Variants in CHSY3 observed in about 807,000 individuals in gnomAD.
CHSY3 encodes the protein N-acetylgalactosaminyl-proteoglycan 3-beta-glucuronosyltransferase 3.
A neutral mutation model predicts 67.2 loss-of-function variants in CHSY3; 35 were observed. The ratio of observed to expected loss-of-function variants is 0.52; its 90% CI spans 0.40 to 0.69. CHSY3 has a LOEUF of 0.69. Ranked by LOEUF, CHSY3 falls within the 30% of genes least tolerant of loss-of-function variation. CHSY3 has a pLI of 0.00. For synonymous variants in CHSY3, 474 were observed against 434.7 expected, an observed-to-expected ratio of 1.09 and a Z score of -1.12; for missense variants, 1,069 against 1,138.5, an observed-to-expected ratio of 0.94 and a Z score of 0.88.
intron 2 of CHSY3, among the ~76,000 whole-genome samples, chr5:130,180,889 T>A (rs1470794875): frequency 1.3e-5 from 2 of 152,194 alleles, no homozygotes; most frequent in Non-Finnish European, 2.9e-5. Context: ...TTTATATAGC[T>A]ATGATCATTT....
intron 2 of CHSY3, among the ~76,000 whole-genome samples, chr5:130,164,750 C>T (rs377038138): frequency 3.3e-5 from 5 of 152,070 alleles, no homozygotes; most frequent in South Asian, 2.1e-4. Context: ...AGAAAATTCC[C>T]GAGTTTGTTA....
intron 2 of CHSY3, among the ~76,000 whole-genome samples, chr5:130,093,815 G>C (rs747207710): frequency 2.6e-5 from 4 of 152,074 alleles, no homozygotes; most frequent in African/African-American, 4.8e-5. Flanking sequence ...CAGGAAGCTT[G>C]CTTTGAGAAA....
At chr5:129,962,594 C>A (rs1762363172) in intron 2 of CHSY3, among the ~76,000 whole-genome samples, 1 of 151,942 alleles carries the variant, frequency 6.6e-6, no homozygotes, top group African/African-American at 2.4e-5. Context: ...TTTCTGTAGC[C>A]CATGAGATCC....
chr5:130,016,510 C>T (rs1230269069), intron 2 of CHSY3, among the ~76,000 whole-genome samples: 2 of 137,948 alleles, frequency 1.4e-5, no homozygotes, highest in Non-Finnish European at 3.2e-5. Flanking sequence ...TTCCAGGGTT[C>T]AAGTGATTCT....
intron 2 of CHSY3, among the ~76,000 whole-genome samples, chr5:130,019,290 C>T (rs1359259510): frequency 6.6e-6 from 1 of 151,832 alleles, no homozygotes; most frequent in African/African-American, 2.4e-5. Flanking sequence ...AACTAATTTT[C>T]CATTCTCTTT....
Position 129,908,335 on chromosome 5 carries a change from G to A in CHSY3, c.1061G>A (p.Gly354Glu), listed in dbSNP as rs1227807356. ...EVGRCVRRFG[G>E]TQCVWSYEMQ... ...GGAAGATGCGTTCGCCGTTTTGGTG[G>A]GACTCAGTGTGTCTGGTCTTACGAG... is the stretch of plus-strand genomic sequence containing the variant. Residue 354 changes from glycine (G) to glutamate (E), a missense_variant, in exon 2 of 3, where the codon GGG becomes GAG. Transcript: ENST00000305031. 6.2e-7 allele frequency: 1 copy of A among 1,613,868 alleles called. No homozygotes were observed. Among genetic ancestry groups the A allele is most frequent in the Non-Finnish European group, 8.5e-7 (1 of 1,179,880 alleles).
At chr5:129,976,778 G>T (rs1251507724) in intron 2 of CHSY3, among the ~76,000 whole-genome samples, 1 of 151,942 alleles carries the variant, frequency 6.6e-6, no homozygotes, top group South Asian at 2.1e-4. Flanking sequence ...GTTAAAAAGA[G>T]AGTTAAATAA....
chr5:130,010,024 A>G (rs1764005393), intron 2 of CHSY3, among the ~76,000 whole-genome samples: 1 of 152,184 alleles, frequency 6.6e-6, no homozygotes, highest in Admixed American at 6.5e-5. Flanking sequence ...TTCTATAACC[A>G]CACAATAATA....
At chr5:130,084,411 C>T (rs1766544016) in intron 2 of CHSY3, among the ~76,000 whole-genome samples, 1 of 151,702 alleles carries the variant, frequency 6.6e-6, no homozygotes, top group South Asian at 2.1e-4. Flanking sequence ...TGTGTGTTGA[C>T]AAAGATTCAA....
chr5:129,999,320 A>G (rs1010805295), intron 2 of CHSY3, among the ~76,000 whole-genome samples: 5 of 152,106 alleles, frequency 3.3e-5, no homozygotes, highest in African/African-American at 1.2e-4. Context: ...ATATTATTTC[A>G]TTGTTCCTTT....
upstream of CHSY3, among the ~76,000 whole-genome samples, chr5:129,904,273 G>A (rs1258731157): frequency 6.6e-6 from 1 of 151,742 alleles, no homozygotes; most frequent in East Asian, 2.0e-4. Flanking sequence ...GCTCTGGACT[G>A]AGGCGCGGAC....
chr5:130,006,453 G>A lies in CHSY3; in HGVS notation c.1086+98093G>A, dbSNP rs183887741. Among the ~76,000 whole-genome samples the A allele has an allele frequency of 2.6e-5, 4 of 152,306 alleles. 1 individual carries two copies. Among genetic ancestry groups the A allele is most frequent in the Admixed American group, 2.0e-4 (3 of 15,300 alleles). On this transcript the variant is annotated intron_variant, in intron 2 of 2. Coordinates refer to ENST00000305031, the MANE Select transcript of CHSY3 (RefSeq NM_175856.5). ...CAGCTGTGTCAGATAATCAGAGGGT[G>A]AGCTCTGTGATGATCTGGGTTGAGG...
intron 2 of CHSY3, among the ~76,000 whole-genome samples, chr5:130,146,264 T>C (rs941548061): frequency 6.6e-6 from 1 of 152,214 alleles, no homozygotes; most frequent in African/African-American, 2.4e-5. Flanking sequence ...TGATATTATC[T>C]AGCCATAAAA....
intron 2 of CHSY3, among the ~76,000 whole-genome samples, chr5:129,934,178 TTTA>T (rs1470722558): frequency 6.6e-6 from 1 of 152,142 alleles, no homozygotes; most frequent in Non-Finnish European, 1.5e-5. Flanking sequence ...GATCTCAATA[TTTA>T]TTATATGAAA....
chr5:130,012,001 A>G (rs1206403965), intron 2 of CHSY3, among the ~76,000 whole-genome samples: 2 of 152,238 alleles, frequency 1.3e-5, no homozygotes, highest in African/African-American at 4.8e-5. Flanking sequence ...GCTCATGAAT[A>G]GGAAGAATCA....
chr5:130,069,000 T>C (rs1207497868), intron 2 of CHSY3, among the ~76,000 whole-genome samples: 3 of 152,140 alleles, frequency 2.0e-5, no homozygotes, highest in Non-Finnish European at 2.9e-5. Context: ...ATGTATTTCA[T>C]TGTGTTTGTA....
At chr5:130,156,137 A>T (rs1769370024) in intron 2 of CHSY3, among the ~76,000 whole-genome samples, 1 of 152,170 alleles carries the variant, frequency 6.6e-6, no homozygotes, top group South Asian at 2.1e-4. Context: ...CAATTTAGTT[A>T]CTTGTTTTTC....
intron 2 of CHSY3, among the ~76,000 whole-genome samples, chr5:129,915,944 C>A (rs2149579349): frequency 6.6e-6 from 1 of 152,270 alleles, no homozygotes; most frequent in South Asian, 2.1e-4. Context: ...ATCCTTAGCA[C>A]CACTTTTATA....
At position 130,185,774 on chromosome 5, in the gene CHSY3, A is replaced by T; in HGVS notation, c.2632A>T (p.Asn878Tyr). The T allele has an allele frequency of 1.3e-6, 2 of 1,599,198 alleles. No homozygotes were observed. The highest frequency in any genetic ancestry group is 1.7e-6 in the Non-Finnish European group (2 of 1,170,692). The change falls in exon 3 of 3, where the codon AAT becomes TAT. Residue 878 changes from asparagine to tyrosine, a missense_variant. Asn to Tyr is a moderately radical substitution (Grantham distance 143, BLOSUM62 -2). Around this residue, in one of 5 missense-constraint regions of CHSY3, gnomAD observed 139 missense variants for 152.8 expected, o/e 0.91. Coordinates refer to ENST00000305031, the MANE Select transcript of CHSY3 (RefSeq NM_175856.5). ...WLEKHLGVRY[N>Y]RTLS is the part of the protein sequence containing the mutation. The stretch of plus-strand genomic sequence containing the variant: ...TGAAAAACATTTAGGTGTCAGGTAC[A>T]ATCGAACTCTCTCCTGACAGTCCAG...
Sources: allele counts gnomAD v4.1 joint callset (sites outside exome capture counted in the v4.1 genomes callset), GRCh38; gene constraint gnomAD v4.1.1; regional missense constraint gnomAD v4.1.1; transcripts MANE v1.5; gene names NCBI Gene and HGNC (gene_info 2026-07-23, HGNC 2026-07-21).